ZSWIM3: variants seen among roughly 807,000 people sequenced by gnomAD.
ZSWIM3 encodes zinc finger SWIM-type containing 3, also known as zinc finger SWIM domain-containing protein 3.
ZSWIM3 carries 27 observed loss-of-function variants against 47.5 expected under a neutral mutation model. The observed-to-expected ratio is 0.57, with a 90% CI of 0.42 to 0.78. The LOEUF is 0.78. ZSWIM3 is among the 30% of genes least tolerant of loss of function. The pLI, the probability that ZSWIM3 is intolerant of heterozygous loss-of-function variation, is 0.00. For synonymous variants in ZSWIM3, 333 were observed against 333.9 expected (o/e 1.00, Z 0.03); for missense variants, 689 against 861.3 (o/e 0.80, Z 2.50).
chr20:45,869,775 T>TG (rs1315279689), intron 1 of ZSWIM3, among the ~76,000 whole-genome samples: 1 of 152,004 alleles, frequency 6.6e-6, no homozygotes, highest in African/African-American at 2.4e-5. Flanking sequence ...CCGGGCGTGG[T>TG]GGCTCACACC....
chr20:45,875,035 CTTTTTTTTT>C (rs35356697), intron 1 of ZSWIM3, among the ~76,000 whole-genome samples: 144 of 90,542 alleles, frequency 1.6e-3, no homozygotes, highest in Non-Finnish European at 2.5e-3. Flanking sequence ...TTAATTTTAA[CTTTTTTTTT>C]TTTTTTTTTT....
intron 1 of ZSWIM3, among the ~76,000 whole-genome samples, chr20:45,875,035 CTTTTTTTTTTTTT>C (rs35356697): frequency 1.1e-5 from 1 of 90,542 alleles, no homozygotes; most frequent in Non-Finnish European, 2.0e-5. Context: ...TTAATTTTAA[CTTTTTTTTTTTTT>C]TTTTTTTTTT....
At chr20:45,858,299 T>C (rs1424318549) in intron 1 of ZSWIM3, among the ~76,000 whole-genome samples, 1 of 152,256 alleles carries the variant, frequency 6.6e-6, no homozygotes, top group Admixed American at 6.5e-5. Context: ...AAAAACACCT[T>C]GGCGATAATT....
chr20:45,875,047 T>TTC (rs1157798121), intron 1 of ZSWIM3, among the ~76,000 whole-genome samples: 1 of 141,660 alleles, frequency 7.1e-6, no homozygotes, highest in East Asian at 2.0e-4. Context: ...TTTTTTTTTT[T>TTC]TTTTTTTTTT....
intron 1 of ZSWIM3, among the ~76,000 whole-genome samples, chr20:45,875,107 T>C (rs1450894699): frequency 6.7e-6 from 1 of 148,744 alleles, no homozygotes; most frequent in Non-Finnish European, 1.5e-5. Flanking sequence ...GGCGCCATCT[T>C]GGCTCACTGC....
At chr20:45,875,692 A>G (rs1986075015) in intron 1 of ZSWIM3, among the ~76,000 whole-genome samples, 1 of 149,872 alleles carries the variant, frequency 6.7e-6, no homozygotes, top group Non-Finnish European at 1.5e-5. Context: ...TAACAGAGAC[A>G]GGGTTTCACT....
rs1986145430 is a variant in ZSWIM3 at position 45,877,920 on chromosome 20, G to A, written c.1362G>A (p.Lys454=). Residue 454 remains lysine, a synonymous_variant, in exon 2 of 2, where the codon AAG becomes AAA. Transcript: ENST00000255152. The stretch of plus-strand genomic sequence containing the variant: ...CGGCAAGCATGCCACTGAAGTCCAA[G>A]AAGGCTTTTGGAATCTGTGGAGAGA... ...ARPASMPLKS[K]KAFGICGESL... is the part of the protein sequence containing the mutation. 6.2e-7 allele frequency: 1 copy of A among 1,614,084 alleles called. No homozygotes were observed. The highest frequency in any genetic ancestry group is 1.7e-5 in the Admixed American group (1 of 59,998).
chr20:45,869,047 C>T (rs796783609), intron 1 of ZSWIM3, among the ~76,000 whole-genome samples: 15 of 150,676 alleles, frequency 1.0e-4, no homozygotes, highest in East Asian at 6.1e-4. Context: ...GGTGATCCAC[C>T]CGCCTCGGCC....
intron 1 of ZSWIM3, among the ~76,000 whole-genome samples, chr20:45,867,455 C>T (rs380988): frequency 8.4e-4 from 128 of 152,262 alleles, no homozygotes; most frequent in African/African-American, 3.0e-3. Context: ...CTGTTTACAG[C>T]CAGTAGAGCT....
chr20:45,878,365 A>G lies in ZSWIM3; in HGVS notation c.1807A>G (p.Met603Val), dbSNP rs149198668. The change falls in exon 2 of 2, where the codon ATG becomes GTG. Residue 603 changes from methionine to valine, a missense_variant. Met to Val is a conservative substitution (Grantham distance 21, BLOSUM62 1). Transcript: ENST00000255152. The part of the protein sequence containing the change: ...GPNGELQDRG[M>V]VPNTGQPEKQ... Reference sequence around the variant, plus strand: ...CAATGGGGAGCTCCAGGATCGTGGTATGGTCCCAAACACAGGCCAGCCTGA... The same window carrying G: ...CAATGGGGAGCTCCAGGATCGTGGTGTGGTCCCAAACACAGGCCAGCCTGA... 1.2e-4 allele frequency: 192 copies of G among 1,614,092 alleles called. No individual in the cohort carries two copies. Among genetic ancestry groups the G allele is most frequent in the Non-Finnish European group, 1.6e-4 (187 of 1,180,042 alleles).
At chr20:45,861,555 G>A (rs1985708826) in intron 1 of ZSWIM3, among the ~76,000 whole-genome samples, 1 of 152,146 alleles carries the variant, frequency 6.6e-6, no homozygotes, top group Non-Finnish European at 1.5e-5. Flanking sequence ...GGGTTGATAA[G>A]CAGGTTGGTG....
intron 1 of ZSWIM3, among the ~76,000 whole-genome samples, chr20:45,869,143 T>C (rs1985910616): frequency 6.6e-6 from 1 of 152,158 alleles, no homozygotes; most frequent in African/African-American, 2.4e-5. Context: ...AGTCTCATTT[T>C]CCACCCAGAT....
At chr20:45,873,709 T>G (rs1986027587) in intron 1 of ZSWIM3, among the ~76,000 whole-genome samples, 1 of 152,198 alleles carries the variant, frequency 6.6e-6, no homozygotes, top group African/African-American at 2.4e-5. Context: ...TTGACTTGCC[T>G]AAGGTTGAAC....
chr20:45,878,689 T>C lies in ZSWIM3; in HGVS notation c.*40T>C. On this transcript the variant is annotated 3_prime_UTR_variant, in exon 2 of 2. Transcript: ENST00000255152. ...AGCATTGGACCACAAACACTTCTCC[T>C]TGGAAGTGTGAGAGTTTAAAGTGGG... is the stretch of plus-strand genomic sequence containing the variant. The C allele has an allele frequency of 6.4e-7, 1 of 1,564,324 alleles. No homozygotes were observed. Among genetic ancestry groups the C allele is most frequent in the Non-Finnish European group, 8.7e-7 (1 of 1,153,144 alleles).
At position 45,877,298 on chromosome 20, in the gene ZSWIM3, G is replaced by T. The variant is rs764705608; in HGVS notation, c.740G>T (p.Arg247Leu). 1 of 1,614,030 alleles carries T rather than the reference G, an allele frequency of 6.2e-7. No individual in the cohort carries two copies. The highest frequency in any genetic ancestry group is 1.3e-5 in the African/African-American group (1 of 74,904). The change falls in exon 2 of 2, where the codon CGA (arginine) becomes CTA (leucine). Residue 247 changes from arginine to leucine, a missense_variant. Coordinates refer to ENST00000255152, the MANE Select transcript of ZSWIM3 (RefSeq NM_080752.4). ...GTGGAGAACAAGGAACGAGAAAGTC[G>T]AGTGGTGCACTTTGCTGTGCTCAAG... is the stretch of plus-strand genomic sequence containing the variant. ...FLVENKERES[R>L]VVHFAVLKAE... is the part of the protein sequence containing the mutation.
chr20:45,861,905 C>G (rs139866726), intron 1 of ZSWIM3, among the ~76,000 whole-genome samples: 168 of 151,564 alleles, frequency 1.1e-3, no homozygotes, highest in Non-Finnish European at 1.8e-3. Flanking sequence ...TGAAGGTGAA[C>G]AATTTTAAAA....
Position 45,878,699 on chromosome 20 carries a change from G to A in ZSWIM3, c.*50G>A, listed in dbSNP as rs1185104100. ...CACAAACACTTCTCCTTGGAAGTGT[G>A]AGAGTTTAAAGTGGGCAGGACATAC... On this transcript the variant is annotated 3_prime_UTR_variant, in exon 2 of 2. Transcript: ENST00000255152. The A allele has an allele frequency of 1.3e-6, 2 of 1,554,934 alleles. No homozygotes were observed. Among genetic ancestry groups the A allele is most frequent in the Non-Finnish European group, 1.7e-6 (2 of 1,149,276 alleles).
intron 1 of ZSWIM3, among the ~76,000 whole-genome samples, chr20:45,870,755 G>C (rs577278659): frequency 6.6e-6 from 1 of 151,656 alleles, no homozygotes; most frequent in African/African-American, 2.4e-5. Context: ...GTGCAGTGGC[G>C]TGATCTTGAC....
In ZSWIM3 at chr20:45,878,458, G is replaced by C; in HGVS notation, c.1900G>C (p.Glu634Gln). ...GTTAGCAAACCTGCTCATGCAGACC[G>C]AGGGGCCAGAGCTGGAGGAACGCTA... Reference protein sequence around the residue: ...RELANLLMQTEGPELEERYST... With the variant: ...RELANLLMQTQGPELEERYST... Residue 634 changes from glutamate to glutamine, a missense_variant, in exon 2 of 2, where the codon GAG becomes CAG. By Grantham distance (29) the Glu-to-Gln change is conservative. Transcript: ENST00000255152. The C allele has an allele frequency of 1.2e-6, 2 of 1,614,180 alleles. No homozygotes were observed. Among genetic ancestry groups the C allele is most frequent in the Non-Finnish European group, 1.7e-6 (2 of 1,180,026 alleles).
Sources: allele counts gnomAD v4.1 joint callset (sites outside exome capture counted in the v4.1 genomes callset), GRCh38; gene constraint gnomAD v4.1.1; transcripts MANE v1.5; gene names NCBI Gene and HGNC (gene_info 2026-07-23, HGNC 2026-07-21).